USP10: variants seen among roughly 807,000 people sequenced by gnomAD.
The protein encoded by USP10 is ubiquitin carboxyl-terminal hydrolase 10.
In USP10, 22 loss-of-function variants were observed where a neutral mutation model predicts 84.5. That is an observed-to-expected ratio of 0.26 (90% confidence interval 0.19 to 0.37). USP10 has a LOEUF of 0.37. USP10 is among the 10% of genes least tolerant of loss of function. The pLI, the probability that USP10 is intolerant of heterozygous loss-of-function variation, is 1.00. For missense variants in USP10, 1,019 were observed against 998.9 expected, an observed-to-expected ratio of 1.02 and a Z score of -0.27; for synonymous variants, 454 against 387.6, an observed-to-expected ratio of 1.17 and a Z score of -2.01.
intron 1 of USP10, among the ~76,000 whole-genome samples, chr16:84,722,848 G>A (rs1464458117): frequency 1.3e-5 from 2 of 152,142 alleles, no homozygotes; most frequent in Non-Finnish European, 2.9e-5. Context: ...GAGCCACTGC[G>A]TCCGGCTCAG....
chr16:84,744,365 T>C (rs1302618783), intron 3 of USP10, among the ~76,000 whole-genome samples: 1 of 152,216 alleles, frequency 6.6e-6, no homozygotes, highest in African/African-American at 2.4e-5. Context: ...TGCTTTTTAT[T>C]ACAAATTTAT....
intron 6 of USP10, 116 bp downstream of exon 6, chr16:84,759,588 CT>C (rs1912963053): frequency 2.0e-6 from 2 of 1,006,022 alleles, no homozygotes; most frequent in Middle Eastern, 2.1e-4. Flanking sequence ...ATAATTCTGT[CT>C]TTTTTTAAAA....
chr16:84,722,344 G>A (rs1306284677), intron 1 of USP10, among the ~76,000 whole-genome samples: 3 of 152,194 alleles, frequency 2.0e-5, no homozygotes, highest in African/African-American at 7.2e-5. Flanking sequence ...CCTCTTGATA[G>A]ACATTTTTGT....
intron 2 of USP10, among the ~76,000 whole-genome samples, chr16:84,739,062 C>T (rs1442014749): frequency 1.4e-5 from 2 of 142,768 alleles, no homozygotes; most frequent in East Asian, 2.1e-4. Flanking sequence ...CTTCCTAAAC[C>T]TTTTTTTTTT....
At chr16:84,760,910 A>T (rs1238612189) in intron 8 of USP10, among the ~76,000 whole-genome samples, 1 of 152,200 alleles carries the variant, frequency 6.6e-6, no homozygotes, top group Non-Finnish European at 1.5e-5. Context: ...ATGCTTAGGG[A>T]AATGTATTCA....
chr16:84,757,419 G>T (rs951225581), intron 4 of USP10, among the ~76,000 whole-genome samples: 24 of 150,872 alleles, frequency 1.6e-4, no homozygotes, highest in African/African-American at 5.1e-4. Context: ...GTGTGTGTGT[G>T]TGTGTGTGTG....
At chr16:84,775,317 A>G in intron 13 of USP10, 92 bp downstream of exon 13, 1 of 1,279,750 alleles carries the variant, frequency 7.8e-7, no homozygotes, top group Non-Finnish European at 1.1e-6. Flanking sequence ...TAGCATAGCG[A>G]CCAGATGCTG....
chr16:84,701,449 G>A (rs1188888505), intron 1 of USP10, among the ~76,000 whole-genome samples: 1 of 152,054 alleles, frequency 6.6e-6, no homozygotes, highest in Non-Finnish European at 1.5e-5. Flanking sequence ...GAGATTTGGT[G>A]TATTTAGCTT....
chr16:84,758,098 A>G (rs1912795749), intron 4 of USP10, among the ~76,000 whole-genome samples: 1 of 152,246 alleles, frequency 6.6e-6, no homozygotes, highest in African/African-American at 2.4e-5. Context: ...GAGGCTGAGC[A>G]GCGTGTTTGT....
At chr16:84,711,161 C>G (rs372208146) in intron 1 of USP10, among the ~76,000 whole-genome samples, 31 of 152,248 alleles carry the variant, frequency 2.0e-4, no homozygotes, top group African/African-American at 7.5e-4. Flanking sequence ...TTCATTAAGT[C>G]CATGATTATG....
At chr16:84,713,477 T>C (rs574268099) in intron 1 of USP10, among the ~76,000 whole-genome samples, 2 of 152,236 alleles carry the variant, frequency 1.3e-5, no homozygotes, top group East Asian at 3.9e-4. Flanking sequence ...TATCCTGACG[T>C]GTGTGTCTGG....
At chr16:84,774,462 G>A (rs1179901922) in intron 12 of USP10, among the ~76,000 whole-genome samples, 2 of 151,356 alleles carry the variant, frequency 1.3e-5, no homozygotes, top group East Asian at 3.9e-4. Flanking sequence ...TGTAACTGAA[G>A]TTTTGTTTTG....
chr16:84,703,683 A>G (rs993238253), intron 1 of USP10, among the ~76,000 whole-genome samples: 2 of 152,208 alleles, frequency 1.3e-5, no homozygotes, highest in East Asian at 3.8e-4. Context: ...CTATTTAAAC[A>G]TGTCCTAAGA....
At chr16:84,708,760 C>T (rs186990018) in intron 1 of USP10, 8 of 152,310 alleles carry the variant, frequency 5.3e-5, no homozygotes, top group African/African-American at 1.7e-4. Flanking sequence ...AATGCAAAAT[C>T]GGGGCTTCCA....
intron 1 of USP10, among the ~76,000 whole-genome samples, chr16:84,730,976 CTTTTTT>C (rs11401851): frequency 9.5e-6 from 1 of 105,062 alleles, no homozygotes; most frequent in Non-Finnish European, 1.9e-5. Context: ...GCATTTCTAC[CTTTTTT>C]TTTTTTTTTT....
At chr16:84,712,124 A>G (rs992983561) in intron 1 of USP10, among the ~76,000 whole-genome samples, 19 of 152,056 alleles carry the variant, frequency 1.2e-4, no homozygotes, top group African/African-American at 4.6e-4. Context: ...TCATCAGTTG[A>G]TCTCTTTTCT....
chr16:84,752,756 C>T (rs750650984), intron 4 of USP10, among the ~76,000 whole-genome samples: 5 of 152,050 alleles, frequency 3.3e-5, no homozygotes, highest in African/African-American at 4.8e-5. Flanking sequence ...GAGGAGCTCA[C>T]GAACTTCATA....
chr16:84,747,727 C>T (rs1318968783), intron 4 of USP10, among the ~76,000 whole-genome samples: 2 of 151,876 alleles, frequency 1.3e-5, no homozygotes, highest in East Asian at 3.9e-4. Flanking sequence ...CAATGTCTGG[C>T]TATCTTTTTT....
chr16:84,747,108 G>A (rs1911319732), intron 4 of USP10, among the ~76,000 whole-genome samples: 2 of 152,194 alleles, frequency 1.3e-5, no homozygotes, highest in Admixed American at 6.5e-5. Context: ...ATTGTTGACC[G>A]AAATGTTACG....
Sources: gnomAD v4.1 joint callset for allele counts (sites outside exome capture counted in the v4.1 genomes callset) on GRCh38, gnomAD v4.1.1 for gene constraint, MANE v1.5 for transcripts, NCBI Gene and HGNC (gene_info 2026-07-23, HGNC 2026-07-21) for gene names.